The following SPATA24 variants were observed in gnomAD, a reference collection of about 807,000 sequenced individuals.
The protein encoded by SPATA24 is spermatogenesis associated 24.
A neutral mutation model predicts 28.9 loss-of-function variants in SPATA24; 21 were observed. The observed-to-expected ratio is 0.73, with a 90% confidence interval of 0.52 to 1.05. SPATA24 has a LOEUF of 1.05. SPATA24 is among the 50% of genes least tolerant of loss of function. SPATA24 has a pLI of 0.00. For missense variants in SPATA24, 215 were observed against 242.9 expected (o/e 0.88, Z 0.76); for synonymous variants, 76 against 89.9 (o/e 0.85, Z 0.88).
At chr5:139,393,510 G>A, downstream of SPATA24, 5 of 1,551,494 alleles carry the variant, frequency 3.2e-6, no homozygotes, top group Non-Finnish European at 4.4e-6. Flanking sequence ...CCGGCCCCAT[G>A]GGATCCCATG....
At chr5:139,393,422 G>A (rs1481690234), downstream of SPATA24, 6 of 1,551,574 alleles carry the variant, frequency 3.9e-6, no homozygotes, top group Non-Finnish European at 5.2e-6. Flanking sequence ...GGAGTGCCGG[G>A]TGCGGACGGT....
At chr5:139,399,475 A>G (rs868613138) in intron 4 of SPATA24, among the ~76,000 whole-genome samples, 9 of 152,222 alleles carry the variant, frequency 5.9e-5, no homozygotes, top group African/African-American at 1.9e-4. Context: ...GAATGAAGAC[A>G]TGAGTTCACC....
intron 4 of SPATA24, among the ~76,000 whole-genome samples, chr5:139,399,308 C>T (rs1758775782): frequency 6.8e-6 from 1 of 146,576 alleles, no homozygotes; most frequent in African/African-American, 2.5e-5. Context: ...CAGAGCAAGA[C>T]TCCATCTCAA....
At chr5:139,396,378 G>T, downstream of SPATA24, 4 of 985,468 alleles carry the variant, frequency 4.1e-6, no homozygotes, top group Non-Finnish European at 4.8e-6. Flanking sequence ...TCCCGTTTGG[G>T]GGAGGTGTCA....
chr5:139,400,904 T>C (rs1758808030), intron 4 of SPATA24, among the ~76,000 whole-genome samples: 1 of 152,134 alleles, frequency 6.6e-6, no homozygotes, highest in African/African-American at 2.4e-5. Context: ...ACGCCTATAA[T>C]CCCAGCACTT....
At chr5:139,400,909 G>A (rs1452501326) in intron 4 of SPATA24, among the ~76,000 whole-genome samples, 1 of 152,138 alleles carries the variant, frequency 6.6e-6, no homozygotes, top group Non-Finnish European at 1.5e-5. Context: ...TATAATCCCA[G>A]CACTTTGGGA....
rs369306056 is a variant in SPATA24, at chr5:139,401,932, C to G, written c.297G>C (p.Lys99Asn). ...EVLSKQLEKEKLAFEKALSSV... is the reference protein window; with the variant it reads ...EVLSKQLEKENLAFEKALSSV... ...CCACTCACGCTTTTTCAAAGGCCAG[C>G]TTCTCTTTCTCCAGCTGCTTGGATA... The change falls in exon 3 of 6, where the codon AAG becomes AAC. Residue 99 changes from lysine (K) to asparagine (N), a missense_variant. Physicochemically the swap from Lys to Asn is moderately conservative, Grantham distance 94. Transcript: ENST00000450845. 1.3e-6 allele frequency: 2 copies of G among 1,551,864 alleles called. No individual in the cohort carries two copies. Among genetic ancestry groups the G allele is most frequent in the African/African-American group, 1.4e-5 (1 of 73,158 alleles).
chr5:139,393,439 G>A (rs199620338), downstream of SPATA24: 24 of 1,551,656 alleles, frequency 1.5e-5, no homozygotes, highest in Non-Finnish European at 2.0e-5. Context: ...CGGTGTAGGC[G>A]GTGCCAACTC....
intron 4 of SPATA24, 193 bp downstream of exon 4, chr5:139,401,562 G>A (rs923779457): frequency 1.7e-5 from 12 of 706,816 alleles, no homozygotes; most frequent in South Asian, 4.5e-5. Flanking sequence ...ATAGTACACC[G>A]ACTGCTTCCC....
downstream of SPATA24, chr5:139,393,638 G>T (rs1001114950): frequency 2.6e-6 from 4 of 1,550,226 alleles, no homozygotes; most frequent in Non-Finnish European, 3.5e-6. Flanking sequence ...GCCGAATGTG[G>T]AATCTCCCAC....
Position 139,401,641 on chromosome 5 carries a change from T to C in SPATA24, c.385+114A>G, listed in dbSNP as rs755754128. 43 of 1,208,268 alleles carry C rather than the reference T, an allele frequency of 3.6e-5. 2 individuals carry two copies. In the South Asian group the frequency reaches 5.6e-4, roughly 16 times the overall value. 74.8% of individuals were successfully genotyped at this position (1,208,268 alleles called of 1,614,324 possible). A position where few individuals can be genotyped will look rare whatever the true frequency, so the allele number is the denominator to read the frequency against. On this transcript the variant is annotated intron_variant, in intron 4 of 5. Transcript: ENST00000450845. Reference sequence around the variant, plus strand: ...TGTGGCCCACCCGGGCCTGCCTGTATCCTCAGCTGGGGACAGGTGTTAGAG... The same window carrying C: ...TGTGGCCCACCCGGGCCTGCCTGTACCCTCAGCTGGGGACAGGTGTTAGAG...
chr5:139,394,939 G>A (rs1454908985), downstream of SPATA24: 2 of 1,520,850 alleles, frequency 1.3e-6, no homozygotes, highest in African/African-American at 1.4e-5. Flanking sequence ...TTTCGCGTCC[G>A]GCCCAACGTC....
chr5:139,393,575 G>T (rs141056757), downstream of SPATA24: 2,499 of 1,551,064 alleles, frequency 1.6e-3, 37 homozygotes, highest in African/African-American at 0.029. Flanking sequence ...GCCTCCCACG[G>T]GAAGAAGGCC....
downstream of SPATA24, chr5:139,393,292 G>A: frequency 6.5e-7 from 1 of 1,550,340 alleles, no homozygotes; most frequent in African/African-American, 1.4e-5. Context: ...CGCGTCCAGG[G>A]TGCCCACAGG....
intron 4 of SPATA24, among the ~76,000 whole-genome samples, chr5:139,397,763 C>T (rs1274799966): frequency 2.0e-5 from 3 of 152,194 alleles, no homozygotes; most frequent in Non-Finnish European, 4.4e-5. Context: ...CCATGTTGGC[C>T]AGGCTGGTCT....
chr5:139,404,067 C>T lies in SPATA24; in HGVS notation c.-7G>A, dbSNP rs764678015. The T allele has an allele frequency of 1.8e-5, 28 of 1,550,064 alleles. No homozygotes were observed. The highest frequency in any genetic ancestry group is 1.6e-4 in the African/African-American group (12 of 73,022). ...ACCCGAGGGGCGTCGCCATCTTCCG[C>T]CCCCGCCAGCTAGTTGGAAATGGCT... On this transcript the variant is annotated 5_prime_UTR_variant, in exon 1 of 6. Transcript: ENST00000450845.
In SPATA24 at chr5:139,403,090, C is replaced by T. The variant is rs1581405273; in HGVS notation, c.118-397G>A. On this transcript the variant is annotated intron_variant, in intron 1 of 5. Coordinates refer to ENST00000450845, the MANE Select transcript of SPATA24 (RefSeq NM_194296.2). The stretch of plus-strand genomic sequence containing the variant: ...GAAGAGGGATAGAGAGAAAAGCACT[C>T]TGGATGGTGGGGACACACATGCCAA... Among the ~76,000 whole-genome samples the T allele has an allele frequency of 2.0e-5, 3 of 152,182 alleles. No homozygotes were observed. In the East Asian group the frequency reaches 5.8e-4, roughly 29 times the overall value.
intron 4 of SPATA24, 102 bp downstream of exon 4, chr5:139,401,653 G>T: frequency 1.6e-6 from 2 of 1,280,008 alleles, no homozygotes; most frequent in Non-Finnish European, 2.2e-6. Flanking sequence ...CTCAGCTGGG[G>T]ACAGGTGTTA....
chr5:139,392,642 T>A (rs374263018), downstream of SPATA24: 18 of 1,388,728 alleles, frequency 1.3e-5, no homozygotes, highest in African/African-American at 2.6e-4. This position sits in a 1 kb window ranked among gnomAD's most constrained non-coding sequence, Gnocchi z 5.8. Flanking sequence ...TTGGGTGCTA[T>A]CCCAGGGCTC....
Sources: allele counts gnomAD v4.1 joint callset (sites outside exome capture counted in the v4.1 genomes callset), GRCh38; gene constraint gnomAD v4.1.1; non-coding constraint Gnocchi (gnomAD v3.1); transcripts MANE v1.5; gene names NCBI Gene and HGNC (gene_info 2026-07-23, HGNC 2026-07-21).